Variants in ITGA9 observed in about 807,000 individuals in gnomAD.
ITGA9 encodes integrin alpha-9.
Under a neutral mutation model 127.8 loss-of-function variants are expected in ITGA9, and 56 were observed. That is an observed-to-expected ratio of 0.44 (90% CI 0.35 to 0.55). The LOEUF (loss-of-function observed/expected upper bound fraction) is 0.55, where lower values mean the gene tolerates loss of function less well. Ranked by LOEUF, ITGA9 falls within the 20% of genes least tolerant of loss-of-function variation. The pLI is 0.00. For synonymous variants in ITGA9, 508 were observed against 514.5 expected, an observed-to-expected ratio of 0.99 and a Z score of 0.17; for missense variants, 1,196 against 1,347.1, an observed-to-expected ratio of 0.89 and a Z score of 1.76.
At chr3:37,570,134 T>C (rs193125950) in intron 15 of ITGA9, among the ~76,000 whole-genome samples, 20 of 152,368 alleles carry the variant, frequency 1.3e-4, no homozygotes, top group Non-Finnish European at 1.5e-5. Flanking sequence ...GCCCCGGCAT[T>C]TCTGCCCGGG....
At chr3:37,504,548 A>T (rs964719642) in intron 6 of ITGA9, among the ~76,000 whole-genome samples, 2 of 152,200 alleles carry the variant, frequency 1.3e-5, no homozygotes, top group African/African-American at 4.8e-5. Context: ...CACATTTGGT[A>T]TAGTGCCTGG....
At chr3:37,782,638 A>G (rs899386753) in intron 25 of ITGA9, among the ~76,000 whole-genome samples, 1 of 152,202 alleles carries the variant, frequency 6.6e-6, no homozygotes, top group Admixed American at 6.5e-5. Flanking sequence ...CCCTGAAGCC[A>G]GCTACAGCCT....
intron 3 of ITGA9, among the ~76,000 whole-genome samples, chr3:37,479,746 C>T (rs73053300): frequency 0.11 from 16,579 of 152,190 alleles, 1,061 homozygotes; most frequent in Middle Eastern, 0.17. Flanking sequence ...GAAAATGCTT[C>T]ATAGTGAAAC....
intron 23 of ITGA9, among the ~76,000 whole-genome samples, chr3:37,759,229 CAAA>C (rs1030026077): frequency 6.7e-6 from 1 of 149,300 alleles, no homozygotes; most frequent in Non-Finnish European, 1.5e-5. Context: ...ACAAACAAAA[CAAA>C]AAAAAAGTAA....
At chr3:37,711,709 T>C (rs1701081526) in intron 18 of ITGA9, among the ~76,000 whole-genome samples, 1 of 152,252 alleles carries the variant, frequency 6.6e-6, no homozygotes, top group African/African-American at 2.4e-5. Context: ...TTGCCTAGGC[T>C]TCACCTTTCA....
chr3:37,629,354 C>G lies in ITGA9; in HGVS notation c.1839+18C>G. On this transcript the variant is annotated intron_variant, in intron 16 of 27. Transcript: ENST00000264741. The surrounding 1 kb of genome is among the most constrained non-coding windows in gnomAD (Gnocchi z 4.5). ...AGAATCAGGTCAGAACCTTAAAGCT[C>G]ATACTCAGCACCCAAGGTGGCAGCT... is the stretch of plus-strand genomic sequence containing the variant. The G allele has an allele frequency of 6.2e-7, 1 of 1,613,506 alleles. No individual in the cohort carries two copies. Among genetic ancestry groups the G allele is most frequent in the Non-Finnish European group, 8.5e-7 (1 of 1,179,768 alleles).
rs56711309 is a variant in ITGA9, at chr3:37,512,115, TC to T, written c.898-1646del. Among the ~76,000 whole-genome samples the T allele has an allele frequency of 2.4e-3, 247 of 103,586 alleles. 15 individuals carry two copies. Among genetic ancestry groups the T allele is most frequent in the East Asian group, 8.3e-3 (28 of 3,366 alleles). 68.0% of individuals were successfully genotyped at this position (103,586 alleles called of 152,430 possible). A position where few individuals can be genotyped will look rare whatever the true frequency, so the allele number is the denominator to read the frequency against. ...TTCCTTCCTTCCTTCCTTCCTTCCTTCCTTCTTTCTTTTCTTTTCTTTTCTT... is the reference window on the plus strand; with the variant it reads ...TTCCTTCCTTCCTTCCTTCCTTCCTTCTTCTTTCTTTTCTTTTCTTTTCTT... On this transcript the variant is annotated intron_variant, in intron 8 of 27. Coordinates refer to ENST00000264741, the MANE Select transcript of ITGA9 (RefSeq NM_002207.3).
chr3:37,757,581 G>A (rs1559589680), intron 23 of ITGA9, among the ~76,000 whole-genome samples: 1 of 151,636 alleles, frequency 6.6e-6, no homozygotes, highest in East Asian at 1.9e-4. Context: ...AGTCCAGAAG[G>A]TCAAGGCTGC....
chr3:37,667,080 G>A (rs969200006), intron 17 of ITGA9, among the ~76,000 whole-genome samples: 3 of 152,142 alleles, frequency 2.0e-5, no homozygotes, highest in African/African-American at 7.2e-5. Flanking sequence ...GGGTCAGGGT[G>A]GGGAGTGTGG....
intron 27 of ITGA9, among the ~76,000 whole-genome samples, chr3:37,816,334 C>G (rs1697432403): frequency 6.6e-6 from 1 of 152,140 alleles, no homozygotes. Flanking sequence ...TGTGACTTCT[C>G]TGGAATTACA....
intron 14 of ITGA9, among the ~76,000 whole-genome samples, chr3:37,540,392 C>T (rs1328901828): frequency 2.0e-5 from 3 of 152,196 alleles, no homozygotes; most frequent in African/African-American, 7.2e-5. Flanking sequence ...ATCTTTCTTA[C>T]TTCAGGGCAG....
chr3:37,739,853 T>C (rs571441527), intron 20 of ITGA9, among the ~76,000 whole-genome samples: 2 of 152,222 alleles, frequency 1.3e-5, no homozygotes, highest in East Asian at 3.9e-4. Context: ...TGTTAACCCA[T>C]CCACAGGGGA....
intron 18 of ITGA9, among the ~76,000 whole-genome samples, chr3:37,724,089 A>G (rs1365731295): frequency 6.6e-6 from 1 of 152,176 alleles, no homozygotes; most frequent in African/African-American, 2.4e-5. Context: ...GAGCCTGTGT[A>G]GCTGGAAGCC....
chr3:37,588,067 T>G (rs570602667), intron 15 of ITGA9, among the ~76,000 whole-genome samples: 2 of 152,360 alleles, frequency 1.3e-5, no homozygotes, highest in East Asian at 3.9e-4. Context: ...TTACAGCCTC[T>G]TAGAAACTTG....
intron 15 of ITGA9, among the ~76,000 whole-genome samples, chr3:37,602,296 C>T (rs1217804799): frequency 1.3e-5 from 2 of 152,118 alleles, no homozygotes; most frequent in Admixed American, 6.6e-5. Context: ...AATGTTTGTT[C>T]TTATATCCCA....
chr3:37,582,819 A>G (rs1489626827), intron 15 of ITGA9, among the ~76,000 whole-genome samples: 1 of 152,226 alleles, frequency 6.6e-6, no homozygotes, highest in Non-Finnish European at 1.5e-5. Context: ...ACAACCCACA[A>G]AAGAAGATGT....
chr3:37,653,896 T>A, intron 17 of ITGA9, 106 bp downstream of exon 17: 1 of 795,180 alleles, frequency 1.3e-6, no homozygotes, highest in Non-Finnish European at 2.2e-6. Flanking sequence ...ATAAACAGAG[T>A]TGATGGGTTA....
Position 37,741,743 on chromosome 3 carries a change from C to A in ITGA9, c.2248C>A (p.Arg750Ser). The A allele has an allele frequency of 6.2e-7, 1 of 1,613,562 alleles. No individual in the cohort carries two copies. ...CTCTCTGCACAGTGGCAACACGGAG[C>A]GCTCTGAATCCCTGCATGACAACAC... ...IVTAQSGNTERSESLHDNTLV... is the reference protein window; with the variant it reads ...IVTAQSGNTESSESLHDNTLV... The change falls in exon 21 of 28, where the codon CGC (arginine) becomes AGC (serine). Residue 750 changes from arginine (R) to serine (S), a missense_variant. Coordinates refer to ENST00000264741, the MANE Select transcript of ITGA9 (RefSeq NM_002207.3).
intron 16 of ITGA9, among the ~76,000 whole-genome samples, chr3:37,652,931 GC>G (rs1425974010): frequency 1.3e-5 from 2 of 152,208 alleles, no homozygotes; most frequent in East Asian, 3.9e-4. Context: ...GTAGAAGAAA[GC>G]CCTAACCCCT....
Sources: gnomAD v4.1 joint callset for allele counts (sites outside exome capture counted in the v4.1 genomes callset) on GRCh38, gnomAD v4.1.1 for gene constraint, Gnocchi (gnomAD v3.1) non-coding constraint, MANE v1.5 for transcripts, NCBI Gene and HGNC (gene_info 2026-07-23, HGNC 2026-07-21) for gene names.